AHCYL2: variants seen among roughly 807,000 people sequenced by gnomAD.
The protein encoded by AHCYL2 is S-adenosylhomocysteine hydrolase-like protein 2.
Under a neutral mutation model 81.4 loss-of-function variants are expected in AHCYL2, and 28 were observed. That is an observed-to-expected ratio of 0.34 (90% CI 0.25 to 0.47). AHCYL2 has a LOEUF of 0.47. Ranked by LOEUF, AHCYL2 falls within the 20% of genes least tolerant of loss-of-function variation. The pLI is 1.00. For synonymous variants in AHCYL2, 272 were observed against 290.2 expected, an observed-to-expected ratio of 0.94 and a Z score of 0.64; for missense variants, 551 against 785.1, an observed-to-expected ratio of 0.70 and a Z score of 3.56.
At chr7:129,296,316 A>G (rs1226866593) in intron 1 of AHCYL2, among the ~76,000 whole-genome samples, 1 of 152,234 alleles carries the variant, frequency 6.6e-6, no homozygotes, top group African/African-American at 2.4e-5. Context: ...CATCAACCAC[A>G]GACTTTTCTT....
chr7:129,237,301 G>T (rs1180333690), intron 1 of AHCYL2, among the ~76,000 whole-genome samples: 1 of 152,110 alleles, frequency 6.6e-6, no homozygotes, highest in African/African-American at 2.4e-5. Context: ...GGGACTATTT[G>T]TAATATGAGA....
At chr7:129,326,524 TCAAAA>T (rs1798232348) in intron 1 of AHCYL2, among the ~76,000 whole-genome samples, 1 of 151,938 alleles carries the variant, frequency 6.6e-6, no homozygotes, top group East Asian at 1.9e-4. Context: ...AGACGCCAAC[TCAAAA>T]CAAACAAACA....
At chr7:129,367,969 T>C (rs1794188032) in intron 1 of AHCYL2, among the ~76,000 whole-genome samples, 1 of 152,164 alleles carries the variant, frequency 6.6e-6, no homozygotes, top group African/African-American at 2.4e-5. Context: ...AGCTCTTGAT[T>C]TCAAGGAAAC....
At chr7:129,324,725 C>T (rs1450532034) in intron 1 of AHCYL2, among the ~76,000 whole-genome samples, 3 of 152,024 alleles carry the variant, frequency 2.0e-5, no homozygotes, top group Non-Finnish European at 2.9e-5. Flanking sequence ...CCGTGTTAGC[C>T]AGGATGGTCT....
intron 1 of AHCYL2, among the ~76,000 whole-genome samples, chr7:129,305,989 G>C (rs1392360218): frequency 6.6e-6 from 1 of 152,098 alleles, no homozygotes; most frequent in Non-Finnish European, 1.5e-5. Flanking sequence ...ATTGTATGTT[G>C]TTTCTTTTCT....
At chr7:129,257,918 A>G (rs1315726128) in intron 1 of AHCYL2, among the ~76,000 whole-genome samples, 2 of 152,264 alleles carry the variant, frequency 1.3e-5, no homozygotes, top group Non-Finnish European at 2.9e-5. Context: ...AAAACATTAC[A>G]TACTTTACAA....
At chr7:129,243,018 C>CTTTTTTTTTTTT (rs769701638) in intron 1 of AHCYL2, among the ~76,000 whole-genome samples, 1 of 125,592 alleles carries the variant, frequency 8.0e-6, no homozygotes, top group African/African-American at 3.0e-5. Flanking sequence ...TATTGTTTCT[C>CTTTTTTTTTTTT]TTTTTTTTTT....
rs201470281 is a variant in AHCYL2, at chr7:129,370,528, C to G, written c.364-9110C>G. Among the ~76,000 whole-genome samples the G allele has an allele frequency of 7.0e-4, 107 of 152,008 alleles. 2 individuals are homozygous for G. In the East Asian group the frequency reaches 0.02, roughly 28 times the overall value. On this transcript the variant is annotated intron_variant, in intron 1 of 16. Transcript: ENST00000325006. Reference sequence around the variant, plus strand: ...CCTGGCTAACACAGTGAAACCCGGTCTCTACTAAAAATACAAAAAATTAGC... The same window carrying G: ...CCTGGCTAACACAGTGAAACCCGGTGTCTACTAAAAATACAAAAAATTAGC...
chr7:129,368,163 G>T lies in AHCYL2; in HGVS notation c.364-11475G>T. ...ACTATTGCTGCAGAAAGTCCCCACT[G>T]GGGAGGTGCGGGTAGAGTGTTTGGG... On this transcript the variant is annotated intron_variant, in intron 1 of 16. Coordinates refer to ENST00000325006, the MANE Select transcript of AHCYL2 (RefSeq NM_015328.4). The surrounding 1 kb of genome is among the most constrained non-coding windows in gnomAD (Gnocchi z 4.4). 1 of 1,099,346 alleles carries T rather than the reference G, an allele frequency of 9.1e-7. No homozygotes were observed. The highest frequency in any genetic ancestry group is 1.1e-6 in the Non-Finnish European group (1 of 901,944). The allele number at this position is 1,099,346 out of a possible 1,614,324, so 68.1% of individuals were successfully genotyped here.
chr7:129,330,470 ATTTT>A (rs34481793), intron 1 of AHCYL2, among the ~76,000 whole-genome samples: 1 of 139,148 alleles, frequency 7.2e-6, no homozygotes. Context: ...ACTCTGGTAC[ATTTT>A]TTTTTTTTTT....
At chr7:129,356,870 T>G (rs997354901) in intron 1 of AHCYL2, among the ~76,000 whole-genome samples, 3 of 152,226 alleles carry the variant, frequency 2.0e-5, no homozygotes, top group Non-Finnish European at 4.4e-5. Flanking sequence ...AGGAGTACTG[T>G]AAGACTCTTG....
chr7:129,378,024 T>C (rs1363996277), intron 1 of AHCYL2, among the ~76,000 whole-genome samples: 3 of 152,166 alleles, frequency 2.0e-5, no homozygotes, highest in Non-Finnish European at 4.4e-5. Context: ...AATTAATATT[T>C]ACTTACTAGC....
chr7:129,356,074 CCTT>C (rs1793726792), intron 1 of AHCYL2, among the ~76,000 whole-genome samples: 1 of 152,138 alleles, frequency 6.6e-6, no homozygotes, highest in South Asian at 2.1e-4. Context: ...ACTTTTCTCT[CCTT>C]CAACTCGGCA....
At position 129,330,546 on chromosome 7, in the gene AHCYL2, C is replaced by T. The variant is rs144094156; in HGVS notation, c.364-49092C>T. Among the ~76,000 whole-genome samples, 766 of 151,004 alleles carry T rather than the reference C, an allele frequency of 5.1e-3. 11 individuals carry two copies. The highest frequency in any genetic ancestry group is 0.018 in the African/African-American group (731 of 41,056). On this transcript the variant is annotated intron_variant, in intron 1 of 16. Transcript: ENST00000325006. Reference sequence around the variant, plus strand: ...AGTGCAGTGTCGCCATCCCAGCTCACTGCAAGCTCCGCCTCCTGGGTTCAC... The same window carrying T: ...AGTGCAGTGTCGCCATCCCAGCTCATTGCAAGCTCCGCCTCCTGGGTTCAC...
At chr7:129,369,869 A>C (rs892601998) in intron 1 of AHCYL2, among the ~76,000 whole-genome samples, 16 of 152,110 alleles carry the variant, frequency 1.1e-4, no homozygotes, top group Non-Finnish European at 5.9e-5. Context: ...CAATTTTAAA[A>C]CATTTTGTGG....
Position 129,389,056 on chromosome 7 carries a change from C to T in AHCYL2, c.476C>T (p.Ala159Val), listed in dbSNP as rs1022825206. The T allele has an allele frequency of 1.2e-5, 19 of 1,600,712 alleles. No individual in the cohort carries two copies. The highest frequency in any genetic ancestry group is 7.9e-5 in the South Asian group (7 of 88,112). The change falls in exon 3 of 17, where the codon GCG becomes GTG. Residue 159 changes from alanine to valine, a missense_variant and splice_region_variant. By Grantham distance (64) the Ala-to-Val change is moderately conservative. This residue lies in a region of AHCYL2 where 235 missense variants were observed against 242.1 expected (regional missense o/e 0.97). Transcript: ENST00000325006. The part of the protein sequence containing the change: ...SQSSTDSYSS[A>V]ASYTDSSDDE... ...AGTGTTTTTTATTCTGTCATTCCAG[C>T]GGCTTCATATACAGATAGCTCTGAT... is the stretch of plus-strand genomic sequence containing the variant.
intron 1 of AHCYL2, chr7:129,283,442 T>C: frequency 6.6e-6 from 3 of 455,972 alleles, no homozygotes; most frequent in South Asian, 3.1e-5. Context: ...AATCTTATAC[T>C]TGTTATTACA....
intron 1 of AHCYL2, among the ~76,000 whole-genome samples, chr7:129,285,963 T>G (rs1395384356): frequency 3.9e-5 from 6 of 152,032 alleles, no homozygotes. Flanking sequence ...CTGCCCACCT[T>G]GGCCTCCCTA....
intron 1 of AHCYL2, among the ~76,000 whole-genome samples, chr7:129,321,092 A>T (rs1252149988): frequency 6.6e-6 from 1 of 152,220 alleles, no homozygotes; most frequent in African/African-American, 2.4e-5. Context: ...TGTAAATTCC[A>T]TAGGTTTTCT....
Sources: allele counts gnomAD v4.1 joint callset (sites outside exome capture counted in the v4.1 genomes callset), GRCh38; gene constraint gnomAD v4.1.1; regional missense constraint gnomAD v4.1.1; non-coding constraint Gnocchi (gnomAD v3.1); transcripts MANE v1.5; gene names NCBI Gene and HGNC (gene_info 2026-07-23, HGNC 2026-07-21).